Variants in FAM185A observed in about 807,000 individuals in gnomAD.
FAM185A encodes the protein protein FAM185A.
In FAM185A, 21 loss-of-function variants were observed where a neutral mutation model predicts 45.7. The observed-to-expected ratio is 0.46, with a 90% CI of 0.33 to 0.66. The LOEUF (loss-of-function observed/expected upper bound fraction) is 0.66, where lower values mean the gene tolerates loss of function less well. FAM185A is among the 30% of genes least tolerant of loss of function. The pLI is 0.03. For missense variants in FAM185A, 305 were observed against 485.4 expected (o/e 0.63, Z 3.49); for synonymous variants, 117 against 194.0 (o/e 0.60, Z 3.30).
chr7:102,758,018 G>A, intron 3 of FAM185A, 72 bp downstream of exon 3: 1 of 1,537,570 alleles, frequency 6.5e-7, no homozygotes. Flanking sequence ...AAGTTGGTAG[G>A]TTCTACAAAG....
At chr7:102,796,770 T>G (rs1366549690) in intron 7 of FAM185A, among the ~76,000 whole-genome samples, 1 of 152,168 alleles carries the variant, frequency 6.6e-6, no homozygotes, top group Non-Finnish European at 1.5e-5. Context: ...ATGACCGAAT[T>G]AGCAGAGAAG....
intron 4 of FAM185A, among the ~76,000 whole-genome samples, chr7:102,769,075 G>C (rs11762289): frequency 0.012 from 1,757 of 152,160 alleles, 19 homozygotes; most frequent in Middle Eastern, 0.079. Context: ...GTTTAAGGTA[G>C]AGATTTTCTA....
chr7:102,765,303 C>T (rs928741432), intron 4 of FAM185A, among the ~76,000 whole-genome samples: 2 of 152,156 alleles, frequency 1.3e-5, no homozygotes, highest in African/African-American at 4.8e-5. Context: ...GGACATTTAT[C>T]GTGCTTTATG....
At chr7:102,772,025 G>A (rs1794772520) in intron 4 of FAM185A, among the ~76,000 whole-genome samples, 1 of 144,440 alleles carries the variant, frequency 6.9e-6, no homozygotes, top group Non-Finnish European at 1.5e-5. Context: ...ATATTTTAGT[G>A]TTACTTGGTT....
chr7:102,826,769 A>ATG, the FAM185A span, among the ~76,000 whole-genome samples: 459 of 100,704 alleles, frequency 4.6e-3, 29 homozygotes, highest in African/African-American at 0.011. Flanking sequence ...ATATATATAT[A>ATG]TATGTATATA....
chr7:102,777,863 C>G (rs1020099515), intron 6 of FAM185A, among the ~76,000 whole-genome samples: 3 of 152,120 alleles, frequency 2.0e-5, no homozygotes, highest in African/African-American at 7.2e-5. Context: ...TATCATTTAA[C>G]TTCTGACACA....
At chr7:102,788,016 G>A (rs1795921141) in intron 7 of FAM185A, among the ~76,000 whole-genome samples, 1 of 152,150 alleles carries the variant, frequency 6.6e-6, no homozygotes, top group South Asian at 2.1e-4. Flanking sequence ...CCATACTGGA[G>A]TGCAGTGGCG....
the FAM185A span, among the ~76,000 whole-genome samples, chr7:102,836,783 C>T: frequency 1.3e-5 from 2 of 151,862 alleles, no homozygotes; most frequent in Non-Finnish European, 2.9e-5. Context: ...ATTTCACTCA[C>T]ATTTATTGAC....
At chr7:102,813,506 TA>T, downstream of FAM185A, 1 of 1,614,046 alleles carries the variant, frequency 6.2e-7, no homozygotes, top group Non-Finnish European at 8.5e-7. Context: ...TGCTGAACTT[TA>T]GATGACATTC....
chr7:102,848,555 C>CAAAAAA, the FAM185A span, among the ~76,000 whole-genome samples: 3 of 1,826 alleles, frequency 1.6e-3, 1 homozygote, highest in Non-Finnish European at 2.7e-3. Flanking sequence ...GACTCCGTCT[C>CAAAAAA]AAAAAAAAAA....
chr7:102,783,508 A>G (rs1795551919), intron 6 of FAM185A, among the ~76,000 whole-genome samples: 1 of 152,094 alleles, frequency 6.6e-6, no homozygotes. Context: ...ACTCAAAACC[A>G]CTCAACTACA....
chr7:102,836,350 G>A, the FAM185A span, among the ~76,000 whole-genome samples: 4 of 152,138 alleles, frequency 2.6e-5, no homozygotes, highest in East Asian at 1.9e-4. Context: ...CTTAGAATTC[G>A]TGTTTTCCTT....
chr7:102,846,347 G>T, the FAM185A span, among the ~76,000 whole-genome samples: 1 of 152,180 alleles, frequency 6.6e-6, no homozygotes, highest in South Asian at 2.1e-4. Flanking sequence ...GGCTGGGCAT[G>T]GTGGCTGATG....
chr7:102,813,655 C>T (rs1438811088), downstream of FAM185A: 14 of 956,108 alleles, frequency 1.5e-5, no homozygotes, highest in East Asian at 3.5e-4. Flanking sequence ...TGAGACCTCT[C>T]TTGCCTTGCT....
intron 6 of FAM185A, among the ~76,000 whole-genome samples, chr7:102,782,031 G>A (rs993457291): frequency 2.0e-5 from 3 of 152,194 alleles, no homozygotes; most frequent in Non-Finnish European, 2.9e-5. Flanking sequence ...TAGCTGATTC[G>A]ATCAACTGGA....
chr7:102,848,935 G>C, the FAM185A span, among the ~76,000 whole-genome samples: 1 of 152,260 alleles, frequency 6.6e-6, no homozygotes, highest in South Asian at 2.1e-4. Flanking sequence ...AGGATGCGGA[G>C]GTTGCAGTGA....
chr7:102,772,746 C>A (rs1794833025), intron 5 of FAM185A, among the ~76,000 whole-genome samples: 1 of 151,212 alleles, frequency 6.6e-6, no homozygotes, highest in Admixed American at 6.6e-5. Flanking sequence ...AAATTAAGTC[C>A]TTGAAAGAAA....
the FAM185A span, among the ~76,000 whole-genome samples, chr7:102,832,336 A>G: frequency 2.6e-5 from 4 of 152,244 alleles, no homozygotes; most frequent in African/African-American, 4.8e-5. Context: ...TTTGTTTGAC[A>G]TACCATTTAC....
intron 7 of FAM185A, among the ~76,000 whole-genome samples, chr7:102,807,667 ACTTT>A (rs1562883147): frequency 6.6e-6 from 1 of 152,044 alleles, no homozygotes; most frequent in Non-Finnish European, 1.5e-5. Context: ...TAATCCCAGT[ACTTT>A]GGGAGGCCGA....
Sources: allele counts gnomAD v4.1 joint callset (sites outside exome capture counted in the v4.1 genomes callset), GRCh38; gene constraint gnomAD v4.1.1; transcripts MANE v1.5; gene names NCBI Gene and HGNC (gene_info 2026-07-23, HGNC 2026-07-21).